Variants in TPD52 observed in about 807,000 individuals in gnomAD.
The protein encoded by TPD52 is tumor protein D52.
A neutral mutation model predicts 31.3 loss-of-function variants in TPD52; 17 were observed. The ratio of observed to expected loss-of-function variants is 0.54; its 90% CI spans 0.37 to 0.82. TPD52 has a LOEUF of 0.82. Ranked by LOEUF, TPD52 falls within the 40% of genes least tolerant of loss-of-function variation. The probability of loss-of-function intolerance (pLI) is 0.00; values close to 1 mark genes in which losing one functional copy is unlikely to be tolerated. For missense variants in TPD52, 212 were observed against 240.1 expected (o/e 0.88, Z 0.77); for synonymous variants, 83 against 89.6 (o/e 0.93, Z 0.42).
At chr8:80,135,629 T>C (rs908979249) in intron 1 of TPD52, among the ~76,000 whole-genome samples, 1 of 151,478 alleles carries the variant, frequency 6.6e-6, no homozygotes, top group African/African-American at 2.4e-5. Context: ...ATCCCATTAC[T>C]GGGTATATAC....
At chr8:80,076,174 T>C (rs1233003243) in intron 1 of TPD52, among the ~76,000 whole-genome samples, 2 of 152,202 alleles carry the variant, frequency 1.3e-5, no homozygotes, top group Non-Finnish European at 2.9e-5. Context: ...CAAAGGAATA[T>C]AAACCATTCT....
chr8:80,066,139 G>A (rs1277118313), intron 1 of TPD52, among the ~76,000 whole-genome samples: 1 of 152,116 alleles, frequency 6.6e-6, no homozygotes, highest in Non-Finnish European at 1.5e-5. Flanking sequence ...GAAAAAGGAA[G>A]GAGAATAACC....
At chr8:80,149,279 T>C (rs1810414185) in intron 1 of TPD52, among the ~76,000 whole-genome samples, 1 of 152,166 alleles carries the variant, frequency 6.6e-6, no homozygotes, top group Non-Finnish European at 1.5e-5. Flanking sequence ...ATAAAGGTTT[T>C]ATAAAGGCCC....
intron 1 of TPD52, among the ~76,000 whole-genome samples, chr8:80,146,329 A>C (rs1810193743): frequency 6.6e-6 from 1 of 152,234 alleles, no homozygotes. Context: ...AGGGGAAAAA[A>C]ACAGTTGACT....
chr8:80,067,870 T>A (rs1296401967), intron 1 of TPD52, among the ~76,000 whole-genome samples: 1 of 151,892 alleles, frequency 6.6e-6, no homozygotes, highest in Non-Finnish European at 1.5e-5. Context: ...CCTTATATAT[T>A]CGTCTAGATA....
intron 1 of TPD52, among the ~76,000 whole-genome samples, chr8:80,072,811 A>C (rs1814078574): frequency 6.6e-6 from 1 of 151,152 alleles, no homozygotes; most frequent in Admixed American, 6.6e-5. Flanking sequence ...ATATATATAT[A>C]TATAAACTTG....
chr8:80,096,938 C>T (rs910795404), intron 1 of TPD52, among the ~76,000 whole-genome samples: 5 of 152,162 alleles, frequency 3.3e-5, no homozygotes, highest in Admixed American at 1.3e-4. Context: ...TTAAGCTTAG[C>T]GAGAAAGGCA....
At position 80,094,428 on chromosome 8, in the gene TPD52, TTTTATATATA is replaced by T. The variant is rs1314735701; in HGVS notation, c.20-29845_20-29836del. Among the ~76,000 whole-genome samples, 96 of 69,120 alleles carry T rather than the reference TTTTATATATA, an allele frequency of 1.4e-3. 3 individuals are homozygous for T. The highest frequency in any genetic ancestry group is 3.6e-3 in the African/African-American group (85 of 23,438). 45.3% of individuals were successfully genotyped at this position (69,120 alleles called of 152,430 possible). On this transcript the variant is annotated intron_variant, in intron 1 of 7. Transcript: ENST00000518937. ...TGACTAAGTTCTAGACAAAAGAAAA[TTTTATATATA>T]TATATATATATATATATATATATAT...
At chr8:80,099,509 CTTTTTTTTTT>C (rs756408673) in intron 1 of TPD52, among the ~76,000 whole-genome samples, 1 of 134,588 alleles carries the variant, frequency 7.4e-6, no homozygotes, top group Non-Finnish European at 1.6e-5. Flanking sequence ...GGTCTAACAT[CTTTTTTTTTT>C]TTTTTTTTTG....
chr8:80,112,148 C>T (rs1260371140), intron 1 of TPD52, among the ~76,000 whole-genome samples: 1 of 152,188 alleles, frequency 6.6e-6, no homozygotes, highest in East Asian at 1.9e-4. Context: ...ACTTGCCTCA[C>T]CTTCAGAGAT....
intron 1 of TPD52, among the ~76,000 whole-genome samples, chr8:80,121,976 CA>C (rs1226040766): frequency 1.3e-5 from 2 of 149,930 alleles, no homozygotes; most frequent in Non-Finnish European, 3.0e-5. Context: ...TTCTACTTCA[CA>C]TTTTTTTCTA....
At chr8:80,103,543 G>A (rs80049514) in intron 1 of TPD52, among the ~76,000 whole-genome samples, 1 of 152,184 alleles carries the variant, frequency 6.6e-6, no homozygotes, top group Non-Finnish European at 1.5e-5. Flanking sequence ...TCTGATATCA[G>A]AAGTGGGATC....
At chr8:80,136,545 A>G (rs79110453) in intron 1 of TPD52, among the ~76,000 whole-genome samples, 36 of 150,602 alleles carry the variant, frequency 2.4e-4, no homozygotes, top group African/African-American at 7.8e-4. Flanking sequence ...AAAAAAAAAA[A>G]AAAAAAGAAA....
At chr8:80,159,344 C>T (rs573525764) in intron 1 of TPD52, among the ~76,000 whole-genome samples, 13 of 152,216 alleles carry the variant, frequency 8.5e-5, no homozygotes, top group Admixed American at 5.2e-4. Context: ...AGATCAGACA[C>T]ACTGGCCAGA....
downstream of TPD52, among the ~76,000 whole-genome samples, chr8:80,034,406 G>A (rs1235293731): frequency 6.6e-6 from 1 of 152,114 alleles, no homozygotes; most frequent in Non-Finnish European, 1.5e-5. Context: ...TGCCACTTCT[G>A]CAGAGCCTGC....
chr8:80,076,218 T>C (rs986614541), intron 1 of TPD52, among the ~76,000 whole-genome samples: 3 of 152,230 alleles, frequency 2.0e-5, no homozygotes, highest in African/African-American at 7.2e-5. Context: ...AAGTTCATTG[T>C]AGCACTATTC....
At chr8:80,103,512 T>C (rs1806892652) in intron 1 of TPD52, among the ~76,000 whole-genome samples, 1 of 152,224 alleles carries the variant, frequency 6.6e-6, no homozygotes, top group African/African-American at 2.4e-5. Flanking sequence ...GTAAATGTGC[T>C]TAAGATTTTC....
intron 1 of TPD52, among the ~76,000 whole-genome samples, chr8:80,149,935 A>G (rs772514622): frequency 4.6e-5 from 7 of 152,264 alleles, no homozygotes; most frequent in Non-Finnish European, 8.8e-5. Flanking sequence ...AGAAATTTGT[A>G]TAAGTAATGA....
At chr8:80,051,781 A>G (rs553654364) in intron 3 of TPD52, 153 bp from the exon 4 acceptor site, 1 of 612,094 alleles carries the variant, frequency 1.6e-6, no homozygotes, top group Non-Finnish European at 2.8e-6. Flanking sequence ...TAACCAGCAG[A>G]GCGGCATCAC....
Sources: gnomAD v4.1 joint callset for allele counts (sites outside exome capture counted in the v4.1 genomes callset) on GRCh38, gnomAD v4.1.1 for gene constraint, MANE v1.5 for transcripts, NCBI Gene and HGNC (gene_info 2026-07-23, HGNC 2026-07-21) for gene names.